Variants in SIPA1L1 observed in about 807,000 individuals in gnomAD.
The protein encoded by SIPA1L1 is signal-induced proliferation-associated 1-like protein 1.
SIPA1L1 carries 26 observed loss-of-function variants against 162.7 expected under a neutral mutation model. That is an observed-to-expected ratio of 0.16 (90% CI 0.12 to 0.22). The LOEUF (loss-of-function observed/expected upper bound fraction) is 0.22, where lower values mean the gene tolerates loss of function less well. Among genes scored for constraint, SIPA1L1 ranks in the 10% least tolerant of loss-of-function variants. The pLI is 1.00. For synonymous variants in SIPA1L1, 829 were observed against 837.4 expected (o/e 0.99, Z 0.17); for missense variants, 1,874 against 2,241.0 (o/e 0.84, Z 3.31).
chr14:71,684,405 C>T lies in SIPA1L1; in HGVS notation c.3105-957C>T, dbSNP rs8008674. On this transcript the variant is annotated intron_variant, in intron 12 of 23. Coordinates refer to ENST00000381232, the MANE Select transcript of SIPA1L1 (RefSeq NM_001386936.1). ...CCCCCATCTCCATGTCTCACCTTCC[C>T]TCCCCGCGCCTTCAGCCTCATCCAC... 2.3e-3 allele frequency among the ~76,000 whole-genome samples: 351 copies of T among 152,374 alleles called. 3 individuals are homozygous for T. The highest frequency in any genetic ancestry group is 7.8e-3 in the African/African-American group (324 of 41,590).
At chr14:71,482,497 A>G (rs2048424726) in intron 2 of SIPA1L1, among the ~76,000 whole-genome samples, 1 of 151,014 alleles carries the variant, frequency 6.6e-6, no homozygotes, top group Non-Finnish European at 1.5e-5. Context: ...TTCCCAAGTC[A>G]GTGTGGTATA....
intron 14 of SIPA1L1, among the ~76,000 whole-genome samples, chr14:71,700,451 T>C (rs2081997213): frequency 6.6e-6 from 1 of 152,208 alleles, no homozygotes; most frequent in Non-Finnish European, 1.5e-5. Context: ...AAATTTAGAA[T>C]AGGATCATAA....
At chr14:71,544,295 A>G (rs61989418) in intron 4 of SIPA1L1, among the ~76,000 whole-genome samples, 11 of 107,484 alleles carry the variant, frequency 1.0e-4, no homozygotes, top group South Asian at 2.7e-4. Context: ...ATATACATAT[A>G]TATCATGTGT....
chr14:71,624,769 G>A (rs2039804895), intron 7 of SIPA1L1, among the ~76,000 whole-genome samples: 1 of 152,132 alleles, frequency 6.6e-6, no homozygotes, highest in Non-Finnish European at 1.5e-5. Context: ...GAACCAGGGT[G>A]CAAACATAGT....
chr14:71,432,956 T>A (rs2044107498), intron 2 of SIPA1L1, among the ~76,000 whole-genome samples: 1 of 152,146 alleles, frequency 6.6e-6, no homozygotes, highest in Non-Finnish European at 1.5e-5. Context: ...CAAATGCATG[T>A]GTTGGTGTGT....
chr14:71,355,841 G>A (rs140067189), intron 2 of SIPA1L1, among the ~76,000 whole-genome samples: 216 of 152,338 alleles, frequency 1.4e-3, no homozygotes, highest in Non-Finnish European at 2.5e-3. Context: ...GCTCTTGTAT[G>A]TGGAAATAAT....
intron 5 of SIPA1L1, among the ~76,000 whole-genome samples, chr14:71,613,925 T>C (rs1183109908): frequency 6.6e-6 from 1 of 152,054 alleles, no homozygotes; most frequent in Non-Finnish European, 1.5e-5. Flanking sequence ...ATTGTAGGCA[T>C]GTGTGGTGGC....
chr14:71,328,705 G>C (rs185727848), intron 2 of SIPA1L1, among the ~76,000 whole-genome samples: 1 of 152,312 alleles, frequency 6.6e-6, no homozygotes, highest in Non-Finnish European at 1.5e-5. Context: ...GGGTCAGACT[G>C]CTTAGACTCC....
intron 21 of SIPA1L1, 128 bp from the exon 22 acceptor site, chr14:71,735,149 A>C: frequency 3.0e-6 from 2 of 671,030 alleles, no homozygotes; most frequent in Non-Finnish European, 2.7e-6. Context: ...GTTGGGAAAT[A>C]AGATTTCCAG....
intron 2 of SIPA1L1, among the ~76,000 whole-genome samples, chr14:71,356,567 C>CCAAAAAAAAAAAAAAAAAAAAAA (rs777415215): frequency 5.1e-5 from 2 of 39,172 alleles, no homozygotes; most frequent in African/African-American, 2.2e-4. Flanking sequence ...CTTGTCTCTA[C>CCAAAAAAAAAAAAAAAAAAAAAA]AAAAAAAAAA....
At chr14:71,425,360 T>A (rs1338715931) in intron 2 of SIPA1L1, among the ~76,000 whole-genome samples, 1 of 152,138 alleles carries the variant, frequency 6.6e-6, no homozygotes, top group Non-Finnish European at 1.5e-5. Context: ...AGCTGTGAAT[T>A]TTCCTCTCAG....
intron 2 of SIPA1L1, chr14:71,413,878 G>A (rs1050648915): frequency 1.3e-5 from 2 of 152,136 alleles, no homozygotes; most frequent in Non-Finnish European, 2.9e-5. Flanking sequence ...TACTTACTAT[G>A]AGTTATAGTT....
intron 5 of SIPA1L1, among the ~76,000 whole-genome samples, chr14:71,589,731 C>CA (rs1188985271): frequency 5.9e-5 from 9 of 152,006 alleles, no homozygotes; most frequent in Non-Finnish European, 8.8e-5. Flanking sequence ...TTAAGGATTG[C>CA]AAAACAGTTT....
chr14:71,470,287 AAAAG>A (rs1447650378), intron 2 of SIPA1L1, among the ~76,000 whole-genome samples: 3 of 152,180 alleles, frequency 2.0e-5, no homozygotes, highest in South Asian at 2.1e-4. Flanking sequence ...ACACGTTTGC[AAAAG>A]AAAGAAGCAA....
chr14:71,392,684 C>G (rs1042893293), intron 2 of SIPA1L1, among the ~76,000 whole-genome samples: 1 of 152,036 alleles, frequency 6.6e-6, no homozygotes, highest in African/African-American at 2.4e-5. Flanking sequence ...CCTGCCACCA[C>G]GCCCGGCTAA....
chr14:71,370,712 C>T (rs1192191550), intron 2 of SIPA1L1, among the ~76,000 whole-genome samples: 1 of 152,120 alleles, frequency 6.6e-6, no homozygotes, highest in Non-Finnish European at 1.5e-5. Context: ...GTCAGAGAGG[C>T]CAACTTGCGT....
At chr14:71,735,593 G>T in intron 22 of SIPA1L1, 2 of 496,594 alleles carry the variant, frequency 4.0e-6, no homozygotes, top group African/African-American at 1.9e-5. Flanking sequence ...GACTTATACG[G>T]CCATAATGAT....
chr14:71,399,129 A>C (rs570885874), intron 2 of SIPA1L1, among the ~76,000 whole-genome samples: 8 of 147,052 alleles, frequency 5.4e-5, no homozygotes, highest in Admixed American at 6.6e-5. Context: ...ACTGACCACT[A>C]TGATGCTCAT....
chr14:71,477,317 T>C lies in SIPA1L1; in HGVS notation c.-464-35426T>C, dbSNP rs113920441. On this transcript the variant is annotated intron_variant, in intron 2 of 23. Transcript: ENST00000381232. ...TGTCTCCCCACCTCTACCTCCTGTC[T>C]AACACTGATCTGTTCCCCATCTCCA... Among the ~76,000 whole-genome samples, 86 of 152,182 alleles carry C rather than the reference T, an allele frequency of 5.7e-4. 2 individuals carry two copies. The highest frequency in any genetic ancestry group is 2.0e-3 in the African/African-American group (81 of 41,502).
Sources: allele counts gnomAD v4.1 joint callset (sites outside exome capture counted in the v4.1 genomes callset), GRCh38; gene constraint gnomAD v4.1.1; transcripts MANE v1.5; gene names NCBI Gene and HGNC (gene_info 2026-07-23, HGNC 2026-07-21).